Variants in ZNF215 observed in about 807,000 individuals in gnomAD.
The protein encoded by ZNF215 is zinc finger protein 215.
Under a neutral mutation model 27.2 loss-of-function variants are expected in ZNF215, and 24 were observed. The observed-to-expected ratio is 0.88, with a 90% CI of 0.64 to 1.24. The LOEUF (loss-of-function observed/expected upper bound fraction) is 1.24. Among genes scored for constraint, ZNF215 ranks in the 50% most tolerant of loss-of-function variants. The pLI, the probability that ZNF215 is intolerant of heterozygous loss-of-function variation, is 0.00. For synonymous variants in ZNF215, 210 were observed against 204.0 expected (o/e 1.03, Z -0.25); for missense variants, 675 against 605.7 (o/e 1.11, Z -1.20).
At chr11:6,938,251 A>G (rs955544170) in intron 3 of ZNF215, among the ~76,000 whole-genome samples, 4 of 152,196 alleles carry the variant, frequency 2.6e-5, no homozygotes, top group African/African-American at 9.6e-5. Context: ...GTTCAGGATC[A>G]TTAGTCATTA....
rs753205364 is a variant in ZNF215, at chr11:6,956,571, G to C, written c.*40G>C. ...AAAGATTACCTTCAGTCAGAATGCA[G>C]AACTCATTTAACATCATGAATTTAT... On this transcript the variant is annotated 3_prime_UTR_variant, in exon 7 of 7. Transcript: ENST00000278319. 1.5e-5 allele frequency: 23 copies of C among 1,514,354 alleles called. No individual in the cohort carries two copies. In the Admixed American group the frequency reaches 1.6e-4, roughly 11 times the overall value. The allele number at this position is 1,514,354 out of a possible 1,614,324, so 93.8% of individuals were successfully genotyped here.
At chr11:6,939,504 T>G (rs1264989062) in intron 3 of ZNF215, among the ~76,000 whole-genome samples, 1 of 152,184 alleles carries the variant, frequency 6.6e-6, no homozygotes, top group Non-Finnish European at 1.5e-5. Context: ...GAAATATTTT[T>G]GCATGAGAGA....
At chr11:6,951,753 A>G (rs1850079601) in intron 6 of ZNF215, among the ~76,000 whole-genome samples, 1 of 151,828 alleles carries the variant, frequency 6.6e-6, no homozygotes, top group Admixed American at 6.6e-5. Flanking sequence ...CTCTGATTTT[A>G]GTTATTTCTT....
rs1315545060 is a variant in ZNF215, at chr11:6,956,642, A to G, written c.*111A>G. 52 of 1,411,260 alleles carry G rather than the reference A, an allele frequency of 3.7e-5. No homozygotes were observed. The highest frequency in any genetic ancestry group is 2.3e-4 in the Middle Eastern group (1 of 4,284). The allele number at this position is 1,411,260 out of a possible 1,614,324, so 87.4% of individuals were successfully genotyped here. ...TATAATGTAAGAAAACATTTGTCAG[A>G]TTTTTCTTTAAATGATATCACAGAA... On this transcript the variant is annotated 3_prime_UTR_variant, in exon 7 of 7. Transcript: ENST00000278319.
At chr11:6,972,357 T>C (rs1442910015) in intron 5 of ZNF215, among the ~76,000 whole-genome samples, 1 of 151,816 alleles carries the variant, frequency 6.6e-6, no homozygotes, top group Non-Finnish European at 1.5e-5. Context: ...CAGGCCAAAT[T>C]TGGCCCACAT....
chr11:6,984,831 A>C (rs1307975406), downstream of ZNF215, among the ~76,000 whole-genome samples: 1 of 135,474 alleles, frequency 7.4e-6, no homozygotes, highest in Non-Finnish European at 1.6e-5. Context: ...AATCTTTTAC[A>C]TTTCTCTTAT....
At chr11:6,972,145 T>C (rs981398270) in intron 5 of ZNF215, among the ~76,000 whole-genome samples, 1 of 152,118 alleles carries the variant, frequency 6.6e-6, no homozygotes, top group African/African-American at 2.4e-5. Context: ...ATAATTATAT[T>C]TGTAAATTTA....
Position 6,957,481 on chromosome 11 carries a change from G to A in ZNF215, c.*950G>A, listed in dbSNP as rs1850407343. The A allele has an allele frequency of 6.4e-6, 1 of 156,452 alleles. No individual in the cohort carries two copies. The highest frequency in any genetic ancestry group is 6.6e-5 in the Admixed American group (1 of 15,256). The allele number at this position is 156,452 out of a possible 1,614,324, so 9.7% of individuals were successfully genotyped here. ...TCTGTCCACCCATGGCCCTGTACTG[G>A]AATAACAGGGTAAATAATTATCTTA... On this transcript the variant is annotated 3_prime_UTR_variant, in exon 7 of 7. Coordinates refer to ENST00000278319, the MANE Select transcript of ZNF215 (RefSeq NM_013250.4).
intron 3 of ZNF215, among the ~76,000 whole-genome samples, chr11:6,934,587 C>G (rs1357772796): frequency 6.6e-6 from 1 of 152,168 alleles, no homozygotes; most frequent in African/African-American, 2.4e-5. Flanking sequence ...GGGCCAAGTC[C>G]TTTTCACACT....
chr11:6,950,037 A>G (rs1233791713), intron 6 of ZNF215, among the ~76,000 whole-genome samples: 8 of 151,692 alleles, frequency 5.3e-5, no homozygotes, highest in Admixed American at 1.3e-4. Context: ...AAGATCAGAT[A>G]GTTGTAGATA....
intron 3 of ZNF215, among the ~76,000 whole-genome samples, chr11:6,935,388 G>A (rs1010199396): frequency 1.7e-4 from 26 of 152,160 alleles, no homozygotes; most frequent in Non-Finnish European, 3.2e-4. Context: ...GATGGTTTTT[G>A]TTTTTGATAT....
At chr11:6,970,272 T>A (rs1318455678) in intron 5 of ZNF215, among the ~76,000 whole-genome samples, 1 of 151,894 alleles carries the variant, frequency 6.6e-6, no homozygotes, top group Non-Finnish European at 1.5e-5. Context: ...CAGAAAAAAA[T>A]GATCCAATTT....
downstream of ZNF215, among the ~76,000 whole-genome samples, chr11:6,990,956 C>T (rs1457747434): frequency 6.6e-6 from 1 of 152,160 alleles, no homozygotes; most frequent in Non-Finnish European, 1.5e-5. Context: ...AAAAGAATCA[C>T]AAACCAGTGA....
chr11:6,938,378 G>T (rs532408499), intron 3 of ZNF215, among the ~76,000 whole-genome samples: 16 of 152,158 alleles, frequency 1.1e-4, no homozygotes, highest in Admixed American at 6.5e-4. Flanking sequence ...GTATATCGTT[G>T]TTGGGAATAT....
At chr11:6,969,973 G>C (rs1438571614) in intron 5 of ZNF215, among the ~76,000 whole-genome samples, 1 of 152,016 alleles carries the variant, frequency 6.6e-6, no homozygotes. Context: ...GTAGAGATGG[G>C]GTTTCACCAT....
chr11:6,984,104 TC>T (rs1851014600), intron 5 of ZNF215: 2 of 407,478 alleles, frequency 4.9e-6, no homozygotes, highest in Admixed American at 6.0e-5. Flanking sequence ...TTTGACAATG[TC>T]CCTTAAATTT....
At chr11:6,960,534 C>T (rs767431522), downstream of ZNF215, among the ~76,000 whole-genome samples, 1 of 152,102 alleles carries the variant, frequency 6.6e-6, no homozygotes, top group Non-Finnish European at 1.5e-5. Flanking sequence ...GAGGTGAGGC[C>T]AAAGATGAGG....
chr11:6,987,999 T>C (rs1240794176), downstream of ZNF215, among the ~76,000 whole-genome samples: 1 of 152,154 alleles, frequency 6.6e-6, no homozygotes, highest in Non-Finnish European at 1.5e-5. Flanking sequence ...TTTTAAAACC[T>C]CACTTATCAA....
chr11:6,977,596 T>C (rs2133347474), intron 5 of ZNF215, among the ~76,000 whole-genome samples: 2 of 152,056 alleles, frequency 1.3e-5, no homozygotes, highest in South Asian at 4.1e-4. Context: ...AAGAGGAGAT[T>C]TGGACCCACA....
Sources: allele counts gnomAD v4.1 joint callset (sites outside exome capture counted in the v4.1 genomes callset), GRCh38; gene constraint gnomAD v4.1.1; transcripts MANE v1.5; gene names NCBI Gene and HGNC (gene_info 2026-07-23, HGNC 2026-07-21).